Variants in MS4A7 observed in about 807,000 individuals in gnomAD.
The protein encoded by MS4A7 is membrane-spanning 4-domains subfamily A member 7.
A neutral mutation model predicts 23.5 loss-of-function variants in MS4A7; 21 were observed. The ratio of observed to expected loss-of-function variants is 0.89; its 90% CI spans 0.63 to 1.29. The LOEUF (loss-of-function observed/expected upper bound fraction) is 1.29, where lower values mean the gene tolerates loss of function less well. MS4A7 is among the 50% of genes most tolerant of loss of function. The probability of loss-of-function intolerance (pLI) is 0.00; values close to 1 mark genes in which losing one functional copy is unlikely to be tolerated. For missense variants in MS4A7, 263 were observed against 274.2 expected (o/e 0.96, Z 0.29); for synonymous variants, 111 against 107.4 (o/e 1.03, Z -0.21).
chr11:60,393,828 G>A lies in MS4A7; in HGVS notation c.690G>A (p.Gln230=). 1.9e-6 allele frequency: 3 copies of A among 1,611,604 alleles called. No homozygotes were observed. The highest frequency in any genetic ancestry group is 2.5e-6 in the Non-Finnish European group (3 of 1,179,052). The change falls in exon 7 of 7, where the codon CAG becomes CAA. Residue 230 remains glutamine, a synonymous_variant. Coordinates refer to ENST00000300184, the MANE Select transcript of MS4A7 (RefSeq NM_021201.5). The part of the protein sequence containing the change: ...SSTQSQDHIQ[Q]VKKSSSRSWI ...CCCAGTCACAAGATCATATCCAACA[G>A]GTCAAAAAGAGTTCTTCACGGTCTT... is the stretch of plus-strand genomic sequence containing the variant.
intron 4 of MS4A7, among the ~76,000 whole-genome samples, chr11:60,387,557 A>G (rs1414277532): frequency 6.6e-6 from 1 of 152,114 alleles, no homozygotes; most frequent in Non-Finnish European, 1.5e-5. Context: ...TTTGAGAAAA[A>G]AAATCAGTTT....
chr11:60,393,306 A>C (rs976897549), intron 6 of MS4A7, among the ~76,000 whole-genome samples: 1 of 152,176 alleles, frequency 6.6e-6, no homozygotes, highest in African/African-American at 2.4e-5. Context: ...ATTACATAGA[A>C]AATGAATGAC....
At chr11:60,393,454 G>A (rs1481025105) in intron 6 of MS4A7, among the ~76,000 whole-genome samples, 10 of 151,996 alleles carry the variant, frequency 6.6e-5, no homozygotes, top group Admixed American at 6.6e-4. Flanking sequence ...TCTCTGTCCT[G>A]TTTATGCTTC....
At chr11:60,391,118 C>T in intron 5 of MS4A7, among the ~76,000 whole-genome samples, 1 of 152,122 alleles carries the variant, frequency 6.6e-6, no homozygotes, top group East Asian at 1.9e-4. Context: ...ATGGAGTACC[C>T]TGCAAAAATG....
In MS4A7 at chr11:60,395,811, G is replaced by C. The variant is rs2085610959; in HGVS notation, c.*1950G>C. The C allele has an allele frequency of 1.3e-5, 2 of 152,044 alleles. No homozygotes were observed. The allele number at this position is 152,044 out of a possible 1,614,324, so 9.4% of individuals were successfully genotyped here. A position where few individuals can be genotyped will look rare whatever the true frequency, so the allele number is the denominator to read the frequency against. ...AAAAAGAAAAAAGATAACTACGTGA[G>C]GTGATGGATATGTTAATTAGCTGGA... is the stretch of plus-strand genomic sequence containing the variant. On this transcript the variant is annotated 3_prime_UTR_variant, in exon 7 of 7. Transcript: ENST00000300184.
intron 2 of MS4A7, among the ~76,000 whole-genome samples, chr11:60,383,999 A>G (rs2135095829): frequency 6.6e-6 from 1 of 152,306 alleles, no homozygotes; most frequent in African/African-American, 2.4e-5. Flanking sequence ...CCCCGTTCAT[A>G]TGAGTAACTA....
Position 60,394,986 on chromosome 11 carries a change from A to C in MS4A7, c.*1125A>C, listed in dbSNP as rs2085598919. 1.5e-6 allele frequency: 1 copy of C among 651,904 alleles called. No individual in the cohort carries two copies. The highest frequency in any genetic ancestry group is 1.8e-5 in the African/African-American group (1 of 56,312). 40.4% of individuals were successfully genotyped at this position (651,904 alleles called of 1,614,324 possible). On this transcript the variant is annotated 3_prime_UTR_variant, in exon 7 of 7. Coordinates refer to ENST00000300184, the MANE Select transcript of MS4A7 (RefSeq NM_021201.5). ...AGACATCTTAGTCTTAACAAGTTAC[A>C]GATAATCTCTGACTGGCATGTTTTC...
chr11:60,385,334 C>T lies in MS4A7; in HGVS notation c.282+112C>T. 4.3e-6 allele frequency: 5 copies of T among 1,167,990 alleles called. No individual in the cohort carries two copies. In the South Asian group the frequency reaches 7.3e-5, roughly 17 times the overall value. The allele number at this position is 1,167,990 out of a possible 1,614,324, so 72.4% of individuals were successfully genotyped here. On this transcript the variant is annotated intron_variant, in intron 3 of 6. Transcript: ENST00000300184. ...GCCAGGAGGCAAAAGGCGGCAAGGCCTCGACTTTCCTTCTATCATTGCCCC... is the reference window on the plus strand; with the variant it reads ...GCCAGGAGGCAAAAGGCGGCAAGGCTTCGACTTTCCTTCTATCATTGCCCC...
At chr11:60,389,330 G>T (rs112314319) in intron 4 of MS4A7, 60 bp from the exon 5 acceptor site, 6 of 1,397,440 alleles carry the variant, frequency 4.3e-6, no homozygotes, top group Admixed American at 1.9e-5. Context: ...ATGGACAGAG[G>T]ACTAATAGTG....
chr11:60,382,255 AGAG>A (rs1207426954), intron 1 of MS4A7, among the ~76,000 whole-genome samples: 1 of 152,244 alleles, frequency 6.6e-6, no homozygotes, highest in African/African-American at 2.4e-5. Flanking sequence ...AGGAAGAGGA[AGAG>A]GAGGAGAATT....
At chr11:60,379,241 T>C (rs754718796) in intron 1 of MS4A7, among the ~76,000 whole-genome samples, 2 of 152,224 alleles carry the variant, frequency 1.3e-5, no homozygotes, top group Non-Finnish European at 2.9e-5. Context: ...GCAACGTGTA[T>C]CTAAATTCAA....
In MS4A7 at chr11:60,394,815, A is replaced by T. The variant is rs935838364; in HGVS notation, c.*954A>T. The T allele has an allele frequency of 5.6e-6, 2 of 355,170 alleles. No individual in the cohort carries two copies. The highest frequency in any genetic ancestry group is 9.9e-6 in the Non-Finnish European group (2 of 202,480). 22.0% of individuals were successfully genotyped at this position (355,170 alleles called of 1,614,324 possible). ...AAAACTCCATCTCAAAATAAATAAA[A>T]AAATAAATAAAAATAAAAATAGACT... On this transcript the variant is annotated 3_prime_UTR_variant, in exon 7 of 7. Transcript: ENST00000300184.
intron 5 of MS4A7, among the ~76,000 whole-genome samples, chr11:60,391,291 A>T (rs973637884): frequency 3.9e-5 from 6 of 152,216 alleles, no homozygotes; most frequent in African/African-American, 1.4e-4. Context: ...GGGGACCTCA[A>T]ATAAAAGCAT....
intron 2 of MS4A7, 68 bp from the exon 3 acceptor site, chr11:60,385,020 T>G (rs2085469243): frequency 7.1e-7 from 1 of 1,405,650 alleles, no homozygotes. Flanking sequence ...TACTTTACCG[T>G]GTGCATTCAA....
In MS4A7 at chr11:60,389,574, T is replaced by A. The variant is rs144573224; in HGVS notation, c.524T>A (p.Leu175His). ...YYPIYEIKDCLLTSVSLTGVL... is the reference protein window; with the variant it reads ...YYPIYEIKDCHLTSVSLTGVL... Reference sequence around the variant, plus strand: ...CCAATATATGAAATCAAAGATTGTCTCCTGACCAGTGTCAGTTTAACAGTG... The same window carrying A: ...CCAATATATGAAATCAAAGATTGTCACCTGACCAGTGTCAGTTTAACAGTG... Residue 175 changes from leucine to histidine, a missense_variant, in exon 5 of 7, where the codon CTC becomes CAC. Physicochemically the swap from Leu to His is moderately conservative, Grantham distance 99. Transcript: ENST00000300184. The A allele has an allele frequency of 2.3e-4, 366 of 1,613,882 alleles. 1 individual carries two copies. The African/African-American group carries it at 4.3e-3, about 19-fold the overall frequency.
chr11:60,381,921 A>G (rs2085434120), intron 1 of MS4A7, among the ~76,000 whole-genome samples: 1 of 152,138 alleles, frequency 6.6e-6, no homozygotes, highest in Non-Finnish European at 1.5e-5. Context: ...CTCACTAGGA[A>G]GAGATTCTAG....
rs1192030943 is a variant in MS4A7, at chr11:60,394,456, A to G, written c.*595A>G. 2.0e-5 allele frequency: 3 copies of G among 152,544 alleles called. No homozygotes were observed. Among genetic ancestry groups the G allele is most frequent in the Admixed American group, 1.3e-4 (2 of 15,282 alleles). The allele number at this position is 152,544 out of a possible 1,614,324, so 9.4% of individuals were successfully genotyped here. On this transcript the variant is annotated 3_prime_UTR_variant, in exon 7 of 7. Coordinates refer to ENST00000300184, the MANE Select transcript of MS4A7 (RefSeq NM_021201.5). ...CATGAATCTTACCATGTAAATCCAA[A>G]TCTCTGCAATCCTGTGGCACCAACC... is the stretch of plus-strand genomic sequence containing the variant.
intron 5 of MS4A7, among the ~76,000 whole-genome samples, chr11:60,391,810 T>C (rs2085554380): frequency 6.6e-6 from 1 of 151,620 alleles, no homozygotes; most frequent in African/African-American, 2.4e-5. Flanking sequence ...TCCTAGCTAC[T>C]TGGGAGGCTG....
intron 2 of MS4A7, among the ~76,000 whole-genome samples, chr11:60,384,662 G>A (rs1456453224): frequency 3.3e-5 from 5 of 152,178 alleles, no homozygotes; most frequent in African/African-American, 1.2e-4. Flanking sequence ...AAAATCCAAT[G>A]ATGAACAAAA....
Sources: gnomAD v4.1 joint callset for allele counts (sites outside exome capture counted in the v4.1 genomes callset) on GRCh38, gnomAD v4.1.1 for gene constraint, MANE v1.5 for transcripts, NCBI Gene and HGNC (gene_info 2026-07-23, HGNC 2026-07-21) for gene names.